ESRRG: variants seen among roughly 807,000 people sequenced by gnomAD.
ESRRG encodes estrogen related receptor gamma, also known as estrogen-related receptor gamma.
Under a neutral mutation model 44.0 loss-of-function variants are expected in ESRRG, and 13 were observed. The ratio of observed to expected loss-of-function variants is 0.30; its 90% CI spans 0.19 to 0.47. ESRRG has a LOEUF of 0.47. Among genes scored for constraint, ESRRG ranks in the 20% least tolerant of loss-of-function variants. The probability of loss-of-function intolerance (pLI) is 1.00; values close to 1 mark genes in which losing one functional copy is unlikely to be tolerated. For missense variants in ESRRG, 395 were observed against 580.6 expected, an observed-to-expected ratio of 0.68 and a Z score of 3.29; for synonymous variants, 215 against 214.6, an observed-to-expected ratio of 1.00 and a Z score of -0.02.
intron 2 of ESRRG, among the ~76,000 whole-genome samples, chr1:216,904,525 C>A (rs144675071): frequency 2.2e-4 from 33 of 152,238 alleles, no homozygotes; most frequent in African/African-American, 6.0e-4. Context: ...ACTATTTTTC[C>A]CCCCTTCTTA....
At chr1:216,826,425 G>A (rs1411868055) in intron 2 of ESRRG, among the ~76,000 whole-genome samples, 1 of 152,144 alleles carries the variant, frequency 6.6e-6, no homozygotes, top group African/African-American at 2.4e-5. Context: ...GGGCTCACCA[G>A]CCATTATCAG....
intron 2 of ESRRG, among the ~76,000 whole-genome samples, chr1:216,732,964 G>A (rs908228419): frequency 6.6e-6 from 1 of 151,214 alleles, no homozygotes; most frequent in Admixed American, 6.6e-5. Context: ...AAGTTTCCCA[G>A]CCATACAACC....
At chr1:216,599,431 G>C (rs534184695) in intron 3 of ESRRG, among the ~76,000 whole-genome samples, 3 of 151,940 alleles carry the variant, frequency 2.0e-5, no homozygotes, top group Non-Finnish European at 4.4e-5. Context: ...AAAATCCTCT[G>C]ATCTAATTTT....
At chr1:216,731,131 T>C (rs569335456) in intron 2 of ESRRG, among the ~76,000 whole-genome samples, 8 of 152,360 alleles carry the variant, frequency 5.3e-5, no homozygotes, top group Non-Finnish European at 1.0e-4. Context: ...ATCCCAGATA[T>C]GTCCTGAACC....
At chr1:216,821,598 C>T (rs971408041) in intron 2 of ESRRG, among the ~76,000 whole-genome samples, 4 of 150,504 alleles carry the variant, frequency 2.7e-5, no homozygotes, top group Non-Finnish European at 4.4e-5. Context: ...GGTGAGAGGA[C>T]GGCTTGTGCC....
At chr1:216,908,123 C>T (rs777407031) in intron 2 of ESRRG, among the ~76,000 whole-genome samples, 46 of 152,272 alleles carry the variant, frequency 3.0e-4, no homozygotes, top group Middle Eastern at 3.4e-3. Context: ...CAACTCTATC[C>T]AGAATGCTAT....
intron 3 of ESRRG, among the ~76,000 whole-genome samples, chr1:216,584,829 C>T (rs192004267): frequency 3.5e-4 from 54 of 152,270 alleles, no homozygotes; most frequent in African/African-American, 1.0e-3. Flanking sequence ...ATTTTCCTCC[C>T]TAATTTGATT....
At chr1:216,698,094 A>G (rs1057228001) in intron 1 of ESRRG, among the ~76,000 whole-genome samples, 1 of 152,138 alleles carries the variant, frequency 6.6e-6, no homozygotes, top group Non-Finnish European at 1.5e-5. Context: ...CATGGCAGGG[A>G]TATTTATTGT....
intron 1 of ESRRG, among the ~76,000 whole-genome samples, chr1:217,108,424 C>A (rs571164887): frequency 2.0e-5 from 3 of 152,210 alleles, no homozygotes; most frequent in African/African-American, 4.8e-5. Context: ...CCCATTAGTC[C>A]ATACAATCTT....
intron 1 of ESRRG, among the ~76,000 whole-genome samples, chr1:216,713,792 C>T (rs1206837206): frequency 6.6e-6 from 1 of 152,158 alleles, no homozygotes; most frequent in Non-Finnish European, 1.5e-5. Context: ...GTGTCTAAAA[C>T]ATTTACTTTT....
chr1:216,790,336 G>A (rs2094278303), intron 2 of ESRRG, among the ~76,000 whole-genome samples: 1 of 152,064 alleles, frequency 6.6e-6, no homozygotes, highest in South Asian at 2.1e-4. Context: ...CACTTCTTTT[G>A]AGCCCATTCC....
intron 1 of ESRRG, among the ~76,000 whole-genome samples, chr1:216,692,701 C>G (rs2079296111): frequency 6.6e-6 from 1 of 152,186 alleles, no homozygotes; most frequent in African/African-American, 2.4e-5. Flanking sequence ...ATTTCCAGCC[C>G]TGTAAGCTCC....
At chr1:217,095,732 G>T (rs1472786772) in intron 1 of ESRRG, among the ~76,000 whole-genome samples, 2 of 152,328 alleles carry the variant, frequency 1.3e-5, no homozygotes, top group South Asian at 2.1e-4. Flanking sequence ...TCTTGGGAAA[G>T]ATTTAGAAGA....
At chr1:216,835,086 T>C (rs2095543015) in intron 2 of ESRRG, among the ~76,000 whole-genome samples, 1 of 152,184 alleles carries the variant, frequency 6.6e-6, no homozygotes, top group Admixed American at 6.5e-5. Flanking sequence ...TGTGGAGTTT[T>C]TTGTTGCTGT....
At chr1:216,585,891 T>C (rs2063675199) in intron 3 of ESRRG, among the ~76,000 whole-genome samples, 1 of 151,922 alleles carries the variant, frequency 6.6e-6, no homozygotes, top group Non-Finnish European at 1.5e-5. Context: ...ATACAAAAAA[T>C]TAGCCAGGCG....
At chr1:216,805,549 G>T (rs1209044403) in intron 2 of ESRRG, among the ~76,000 whole-genome samples, 2 of 152,116 alleles carry the variant, frequency 1.3e-5, no homozygotes, top group African/African-American at 4.8e-5. Flanking sequence ...TGCCAATTGA[G>T]ATTGACATGT....
At chr1:216,510,738 A>T (rs973182549) in intron 6 of ESRRG, among the ~76,000 whole-genome samples, 1 of 152,058 alleles carries the variant, frequency 6.6e-6, no homozygotes, top group Non-Finnish European at 1.5e-5. Flanking sequence ...ACAAAAAATT[A>T]GCCGGGCGTA....
intron 2 of ESRRG, among the ~76,000 whole-genome samples, chr1:216,737,805 C>T (rs1445423148): frequency 6.6e-6 from 1 of 151,708 alleles, no homozygotes; most frequent in Non-Finnish European, 1.5e-5. Context: ...AACTTATCTG[C>T]TTACTCAGTA....
intron 2 of ESRRG, among the ~76,000 whole-genome samples, chr1:216,867,482 A>G (rs1427382531): frequency 2.6e-5 from 4 of 152,158 alleles, no homozygotes; most frequent in African/African-American, 9.6e-5. Flanking sequence ...AAATTTGCGT[A>G]GGGGATATTT....
Sources: allele counts gnomAD v4.1 joint callset (sites outside exome capture counted in the v4.1 genomes callset), GRCh38; gene constraint gnomAD v4.1.1; transcripts MANE v1.5; gene names NCBI Gene and HGNC (gene_info 2026-07-23, HGNC 2026-07-21).